CLNK: variants seen among roughly 807,000 people sequenced by gnomAD.
CLNK encodes cytokine dependent hematopoietic cell linker, also known as cytokine-dependent hematopoietic cell linker.
Under a neutral mutation model 68.6 loss-of-function variants are expected in CLNK, and 74 were observed. That is an observed-to-expected ratio of 1.08 (90% CI 0.89 to 1.31). CLNK has a LOEUF of 1.31. Among genes scored for constraint, CLNK ranks in the 50% most tolerant of loss-of-function variants. The pLI is 0.00. For missense variants in CLNK, 553 were observed against 515.3 expected, an observed-to-expected ratio of 1.07 and a Z score of -0.71; for synonymous variants, 198 against 172.2, an observed-to-expected ratio of 1.15 and a Z score of -1.17.
At chr4:10,599,526 A>G (rs1269189728) in intron 2 of CLNK, among the ~76,000 whole-genome samples, 1 of 152,166 alleles carries the variant, frequency 6.6e-6, no homozygotes, top group Non-Finnish European at 1.5e-5. Flanking sequence ...CTTAATTCAC[A>G]TATTTCCATC....
At position 10,566,065 on chromosome 4, in the gene CLNK, G is replaced by A. The variant is rs758713018; in HGVS notation, c.236C>T (p.Thr79Ile). Residue 79 changes from threonine to isoleucine, a missense_variant, in exon 6 of 19, where the codon ACA (threonine) becomes ATA (isoleucine). Coordinates refer to ENST00000226951, the MANE Select transcript of CLNK (RefSeq NM_052964.4). ...TGGTAAAATTTTAATCGACTGCCAT[G>A]TCTCTTCCATCCGAAGCTCAGGGTC... The part of the protein sequence containing the change: ...YDDPELRMEE[T>I]WQSIKILPAR... 1 of 1,613,872 alleles carries A rather than the reference G, an allele frequency of 6.2e-7. No homozygotes were observed. Among genetic ancestry groups the A allele is most frequent in the Non-Finnish European group, 8.5e-7 (1 of 1,179,848 alleles).
chr4:10,652,888 A>T (rs1043736320), intron 2 of CLNK, among the ~76,000 whole-genome samples: 3 of 152,340 alleles, frequency 2.0e-5, no homozygotes, highest in Middle Eastern at 6.8e-3. Context: ...AGACACATGC[A>T]CATGTATGTT....
intron 1 of CLNK, among the ~76,000 whole-genome samples, chr4:10,669,714 T>A (rs1297235579): frequency 6.6e-6 from 1 of 152,194 alleles, no homozygotes; most frequent in Non-Finnish European, 1.5e-5. Context: ...AAGCTCTATG[T>A]CCTCTGATAC....
the CLNK span, among the ~76,000 whole-genome samples, chr4:10,703,130 T>TG: frequency 6.6e-6 from 1 of 152,214 alleles, no homozygotes; most frequent in East Asian, 1.9e-4. Context: ...AGAGTAGGCA[T>TG]GGGGGGCTTT....
At chr4:10,667,456 C>T (rs1017531326) in intron 2 of CLNK, among the ~76,000 whole-genome samples, 1 of 147,736 alleles carries the variant, frequency 6.8e-6, no homozygotes, top group African/African-American at 2.5e-5. Context: ...GTGTCTCAGA[C>T]TGACCACACC....
the CLNK span, among the ~76,000 whole-genome samples, chr4:10,694,284 T>C: frequency 6.6e-6 from 1 of 151,584 alleles, no homozygotes; most frequent in Non-Finnish European, 1.5e-5. Context: ...CAGCTTAGTA[T>C]TCACACCTTT....
intron 6 of CLNK, among the ~76,000 whole-genome samples, chr4:10,565,582 CTT>C (rs111889105): frequency 1.0e-4 from 15 of 150,226 alleles, no homozygotes; most frequent in African/African-American, 3.7e-4. Flanking sequence ...GTTAAAAAGT[CTT>C]TTTTTTTTCA....
At chr4:10,509,318 C>T (rs1360703119) in intron 16 of CLNK, among the ~76,000 whole-genome samples, 5 of 152,102 alleles carry the variant, frequency 3.3e-5, no homozygotes, top group African/African-American at 1.2e-4. Flanking sequence ...ATGGTATGAG[C>T]TAGCTCTAAC....
chr4:10,501,128 G>T (rs1348695222), intron 18 of CLNK, 128 bp downstream of exon 18: 3 of 900,574 alleles, frequency 3.3e-6, no homozygotes, highest in South Asian at 2.1e-5. Context: ...TGTGGAAGGG[G>T]TGGGGAGGTC....
At chr4:10,648,486 T>G (rs1723599091) in intron 2 of CLNK, among the ~76,000 whole-genome samples, 1 of 152,364 alleles carries the variant, frequency 6.6e-6, no homozygotes, top group Admixed American at 6.5e-5. Context: ...ATTTCAAGGC[T>G]TAATCTCTTC....
chr4:10,649,607 G>A (rs969190044), intron 2 of CLNK, among the ~76,000 whole-genome samples: 1 of 152,118 alleles, frequency 6.6e-6, no homozygotes, highest in African/African-American at 2.4e-5. Flanking sequence ...CTCAGGGTAA[G>A]GGTGAACTAG....
rs575363428 is a variant in CLNK, at chr4:10,636,622, A to G, written c.11+31237T>C. On this transcript the variant is annotated intron_variant, in intron 2 of 18. Transcript: ENST00000226951. ...TGGGTAGAGGGGAGGGGAGGAGGGA[A>G]GGAGGGTGTAGCAGAAGGAATAGCA... Among the ~76,000 whole-genome samples, 6 of 152,222 alleles carry G rather than the reference A, an allele frequency of 3.9e-5. No homozygotes were observed. In the East Asian group the frequency reaches 1.2e-3, roughly 29 times the overall value.
At chr4:10,674,809 T>C (rs1490796277) in intron 1 of CLNK, among the ~76,000 whole-genome samples, 1 of 152,198 alleles carries the variant, frequency 6.6e-6, no homozygotes, top group African/African-American at 2.4e-5. Context: ...AGATAACGGA[T>C]TTGATTTCAT....
chr4:10,581,898 C>G (rs549198095), intron 4 of CLNK, among the ~76,000 whole-genome samples: 1 of 152,114 alleles, frequency 6.6e-6, no homozygotes, highest in Non-Finnish European at 1.5e-5. Flanking sequence ...CTTTTTAACC[C>G]TTGGTCAGCA....
At chr4:10,699,494 C>CTCTCTCTATATATA in the CLNK span, among the ~76,000 whole-genome samples, 44 of 56,930 alleles carry the variant, frequency 7.7e-4, no homozygotes, top group African/African-American at 1.6e-3. Context: ...CTCTCTCTCT[C>CTCTCTCTATATATA]TATATATATA....
chr4:10,671,604 T>A (rs1003026455), intron 1 of CLNK, among the ~76,000 whole-genome samples: 2 of 152,190 alleles, frequency 1.3e-5, no homozygotes, highest in Non-Finnish European at 2.9e-5. Flanking sequence ...AAGAGTCTTA[T>A]GTCCCCTGGC....
chr4:10,523,967 T>C (rs746567108), intron 14 of CLNK: 101 of 384,680 alleles, frequency 2.6e-4, no homozygotes, highest in African/African-American at 1.8e-3. Flanking sequence ...CAAGGCTGCA[T>C]TGAGATGTGA....
intron 2 of CLNK, among the ~76,000 whole-genome samples, chr4:10,616,065 C>T (rs1722214324): frequency 1.3e-5 from 2 of 152,264 alleles, no homozygotes; most frequent in South Asian, 4.1e-4. Context: ...CAAAATTAGA[C>T]TAAAAGCAAA....
intron 5 of CLNK, among the ~76,000 whole-genome samples, chr4:10,569,695 C>A (rs950824566): frequency 2.0e-5 from 3 of 152,166 alleles, no homozygotes; most frequent in Non-Finnish European, 2.9e-5. Context: ...CTGGAATGTG[C>A]TCCTCCGCAT....
Sources: allele counts gnomAD v4.1 joint callset (sites outside exome capture counted in the v4.1 genomes callset), GRCh38; gene constraint gnomAD v4.1.1; transcripts MANE v1.5; gene names NCBI Gene and HGNC (gene_info 2026-07-23, HGNC 2026-07-21).